GALNT14: variants seen among roughly 807,000 people sequenced by gnomAD.
The protein encoded by GALNT14 is UDP-GalNAc:polypeptide N-acetylgalactosaminyltransferase 14.
GALNT14 carries 60 observed loss-of-function variants against 77.5 expected under a neutral mutation model. The observed-to-expected ratio is 0.77, with a 90% CI of 0.63 to 0.96. The LOEUF (loss-of-function observed/expected upper bound fraction) is 0.96. GALNT14 is among the 40% of genes least tolerant of loss of function. The probability of loss-of-function intolerance (pLI) is 0.00; values close to 1 mark genes in which losing one functional copy is unlikely to be tolerated. For synonymous variants in GALNT14, 280 were observed against 281.7 expected (o/e 0.99, Z 0.06); for missense variants, 710 against 731.0 (o/e 0.97, Z 0.33).
rs985971586 is a variant in GALNT14, at chr2:31,071,625, C to A, written c.129+66333G>T. ...CTACCTCTCCTGCCCTGCCTGATGA[C>A]CTGGCTCACCTGGTCCCAGGAATCT... On this transcript the variant is annotated intron_variant, in intron 1 of 14. Coordinates refer to ENST00000349752, the MANE Select transcript of GALNT14 (RefSeq NM_024572.4). Among the ~76,000 whole-genome samples the A allele has an allele frequency of 1.2e-4, 19 of 152,102 alleles. 1 individual carries two copies. Among genetic ancestry groups the A allele is most frequent in the African/African-American group, 4.1e-4 (17 of 41,406 alleles).
intron 1 of GALNT14, among the ~76,000 whole-genome samples, chr2:31,009,272 T>C (rs1670871207): frequency 6.6e-6 from 1 of 152,044 alleles, no homozygotes; most frequent in South Asian, 2.1e-4. Flanking sequence ...GGCACATTCA[T>C]CTTCCTTGGC....
intron 1 of GALNT14, among the ~76,000 whole-genome samples, chr2:31,008,580 C>T (rs1670821242): frequency 1.3e-5 from 2 of 151,950 alleles, no homozygotes; most frequent in South Asian, 4.2e-4. Context: ...GCACATTAAG[C>T]ATTAAGGCTT....
chr2:31,060,908 T>A (rs1674550599), intron 1 of GALNT14, among the ~76,000 whole-genome samples: 1 of 152,224 alleles, frequency 6.6e-6, no homozygotes, highest in African/African-American at 2.4e-5. Flanking sequence ...GCCACAGGAC[T>A]GACGGAGGCT....
intron 1 of GALNT14, among the ~76,000 whole-genome samples, chr2:31,004,010 C>A (rs1670519881): frequency 6.6e-6 from 1 of 152,208 alleles, no homozygotes; most frequent in Admixed American, 6.5e-5. Context: ...AAGACTGAAC[C>A]CAAAACTCCC....
At chr2:31,072,282 T>G (rs7609386) in intron 1 of GALNT14, among the ~76,000 whole-genome samples, 1 of 37,760 alleles carries the variant, frequency 2.6e-5, no homozygotes, top group African/African-American at 1.6e-4. Context: ...CACACACACA[T>G]ACACACACAC....
chr2:31,049,624 T>C (rs1287197501), intron 1 of GALNT14, among the ~76,000 whole-genome samples: 3 of 152,032 alleles, frequency 2.0e-5, no homozygotes, highest in Admixed American at 2.0e-4. Flanking sequence ...GACTGGGAGA[T>C]AGAAGCAGCC....
intron 1 of GALNT14, among the ~76,000 whole-genome samples, chr2:31,042,534 A>G (rs1300742373): frequency 6.6e-6 from 1 of 152,076 alleles, no homozygotes; most frequent in Non-Finnish European, 1.5e-5. Flanking sequence ...CATCCCTGGG[A>G]TGAAACTACA....
At chr2:30,929,760 T>A (rs1665614957) in intron 10 of GALNT14, among the ~76,000 whole-genome samples, 1 of 152,252 alleles carries the variant, frequency 6.6e-6, no homozygotes, top group Non-Finnish European at 1.5e-5. Flanking sequence ...TGTTTTGGAT[T>A]TGGGGTTTTT....
At chr2:30,928,857 C>T (rs953695940) in intron 11 of GALNT14, among the ~76,000 whole-genome samples, 2 of 152,158 alleles carry the variant, frequency 1.3e-5, no homozygotes, top group Admixed American at 6.5e-5. Flanking sequence ...CCTTGTGATT[C>T]ACCCACCTCG....
chr2:31,057,362 GTGTGTGTGTGTGTATA>G (rs2148532612), intron 1 of GALNT14, among the ~76,000 whole-genome samples: 2 of 83,448 alleles, frequency 2.4e-5, no homozygotes, highest in South Asian at 7.7e-4. Flanking sequence ...GTGTGTGTGT[GTGTGTGTGTGTGTATA>G]TATATATATA....
At chr2:31,028,060 C>A (rs770467225) in intron 1 of GALNT14, among the ~76,000 whole-genome samples, 1 of 152,152 alleles carries the variant, frequency 6.6e-6, no homozygotes, top group South Asian at 2.1e-4. Flanking sequence ...TAAACCTTAA[C>A]CCCATCTTTA....
At chr2:30,939,797 T>TTCACC (rs1666269506) in intron 9 of GALNT14, among the ~76,000 whole-genome samples, 1 of 152,048 alleles carries the variant, frequency 6.6e-6, no homozygotes, top group Admixed American at 6.5e-5. Context: ...GACTCCTTTC[T>TTCACC]TCACCCCTTA....
At chr2:31,038,076 ATATATATATTTTTT>A (rs1291810224) in intron 1 of GALNT14, among the ~76,000 whole-genome samples, 1 of 76,082 alleles carries the variant, frequency 1.3e-5, no homozygotes, top group African/African-American at 6.4e-5. Flanking sequence ...ATATATATAT[ATATATATATTTTTT>A]TTTTTTTTTT....
the GALNT14 span, among the ~76,000 whole-genome samples, chr2:30,894,938 C>T: frequency 1.3e-5 from 2 of 152,184 alleles, no homozygotes; most frequent in Admixed American, 6.5e-5. Context: ...ACTATCAGTT[C>T]CCCAGAGCAG....
chr2:31,097,128 A>G (rs936085338), intron 1 of GALNT14, among the ~76,000 whole-genome samples: 1 of 152,150 alleles, frequency 6.6e-6, no homozygotes, highest in African/African-American at 2.4e-5. Context: ...GTGAGATAGG[A>G]TAACTAGATA....
chr2:31,068,907 C>A (rs774372612), intron 1 of GALNT14, among the ~76,000 whole-genome samples: 1 of 152,130 alleles, frequency 6.6e-6, no homozygotes, highest in African/African-American at 2.4e-5. Flanking sequence ...CAAGAGGCCA[C>A]GTATTGTATG....
chr2:30,918,728 A>C (rs1572964087), intron 13 of GALNT14, among the ~76,000 whole-genome samples: 1 of 52,894 alleles, frequency 1.9e-5, no homozygotes, highest in South Asian at 6.5e-4. Flanking sequence ...TCGGGCAGGG[A>C]GGGGGGTATC....
At chr2:31,119,601 C>T (rs186510581) in intron 1 of GALNT14, among the ~76,000 whole-genome samples, 4 of 152,264 alleles carry the variant, frequency 2.6e-5, no homozygotes, top group South Asian at 2.1e-4. Context: ...ACTTTGCTAA[C>T]GAAAATGTAG....
At chr2:31,129,721 G>T in intron 1 of GALNT14, 2 of 853,546 alleles carry the variant, frequency 2.3e-6, no homozygotes, top group Non-Finnish European at 2.8e-6. Context: ...TGGCTGGGAG[G>T]TGGGGGGTGG....
Sources: allele counts gnomAD v4.1 joint callset (sites outside exome capture counted in the v4.1 genomes callset), GRCh38; gene constraint gnomAD v4.1.1; transcripts MANE v1.5; gene names NCBI Gene and HGNC (gene_info 2026-07-23, HGNC 2026-07-21).